The following C5 variants were observed in gnomAD, a reference collection of about 807,000 sequenced individuals.
The protein encoded by C5 is C3 and PZP-like alpha-2-macroglobulin domain-containing protein 4.
Under a neutral mutation model 218.8 loss-of-function variants are expected in C5, and 140 were observed. The observed-to-expected ratio is 0.64, with a 90% CI of 0.56 to 0.74. C5 has a LOEUF of 0.74. Among genes scored for constraint, C5 ranks in the 30% least tolerant of loss-of-function variants. The pLI, the probability that C5 is intolerant of heterozygous loss-of-function variation, is 0.00. For synonymous variants in C5, 614 were observed against 682.3 expected (o/e 0.90, Z 1.56); for missense variants, 1,700 against 1,969.6 (o/e 0.86, Z 2.59).
At position 120,953,832 on chromosome 9, in the gene C5, A is replaced by G. The variant is rs757951662; in HGVS notation, c.4799T>C (p.Phe1600Ser). 5 of 1,614,054 alleles carry G rather than the reference A, an allele frequency of 3.1e-6. No homozygotes were observed. In the Admixed American group the frequency reaches 8.3e-5, roughly 27 times the overall value. The change falls in exon 40 of 41, where the codon TTC becomes TCC. Residue 1600 changes from phenylalanine (F) to serine (S), a missense_variant. Physicochemically the swap from Phe to Ser is radical, Grantham distance 155. Coordinates refer to ENST00000223642, the MANE Select transcript of C5 (RefSeq NM_001735.3). ...GTTAGTACAGGTTACCTTTTTAATG[A>G]AGGTAATCTCAGAGTCTTTCTCAGC... is the stretch of plus-strand genomic sequence containing the variant. ...AVAEKDSEIT[F>S]IKKVTCTNAE...
the C5 span, among the ~76,000 whole-genome samples, chr9:121,062,425 C>T: frequency 6.6e-6 from 1 of 152,118 alleles, no homozygotes; most frequent in Non-Finnish European, 1.5e-5. Flanking sequence ...GGCCCTTCTG[C>T]GTGTGGGGTT....
At chr9:121,072,823 A>G in the C5 span, among the ~76,000 whole-genome samples, 52 of 151,628 alleles carry the variant, frequency 3.4e-4, no homozygotes, top group African/African-American at 1.1e-3. Context: ...AAAAAAAAAA[A>G]AAAAAAAAAG....
intron 20 of C5, among the ~76,000 whole-genome samples, chr9:121,002,231 T>G (rs2047170486): frequency 1.9e-5 from 1 of 53,696 alleles, no homozygotes; most frequent in Non-Finnish European, 4.4e-5. Context: ...TATATATATG[T>G]ATATATGTAT....
chr9:121,037,004 G>T (rs2047531941), intron 4 of C5, among the ~76,000 whole-genome samples: 1 of 151,892 alleles, frequency 6.6e-6, no homozygotes. Flanking sequence ...TCACAAAAGT[G>T]TTTGGGGTAT....
chr9:121,033,244 C>T (rs1025106719), intron 5 of C5, among the ~76,000 whole-genome samples: 1 of 151,980 alleles, frequency 6.6e-6, no homozygotes, highest in Non-Finnish European at 1.5e-5. Flanking sequence ...ACAAGGCCCA[C>T]CTTAAAGAGT....
intron 16 of C5, among the ~76,000 whole-genome samples, chr9:121,014,572 A>G (rs1220840642): frequency 1.3e-5 from 2 of 152,160 alleles, no homozygotes; most frequent in Admixed American, 1.3e-4. Flanking sequence ...AGATTAGTCA[A>G]TGTCTCTCTT....
chr9:121,002,318 A>G (rs10115597), intron 20 of C5, among the ~76,000 whole-genome samples: 6,091 of 60,944 alleles, frequency 0.1, 426 homozygotes, highest in African/African-American at 0.13. Context: ...ATGTGTGTGT[A>G]TATATATATA....
At chr9:121,073,422 C>G in the C5 span, among the ~76,000 whole-genome samples, 1 of 151,472 alleles carries the variant, frequency 6.6e-6, no homozygotes, top group African/African-American at 2.4e-5. Context: ...AATGAAATAT[C>G]TAAGACATAT....
intron 17 of C5, among the ~76,000 whole-genome samples, chr9:121,011,018 T>C (rs2047257627): frequency 6.6e-6 from 1 of 152,304 alleles, no homozygotes; most frequent in African/African-American, 2.4e-5. Context: ...GACCTCTAAC[T>C]ATAAAACTGC....
chr9:121,053,434 T>C (rs1322916397), upstream of C5, among the ~76,000 whole-genome samples: 1 of 152,080 alleles, frequency 6.6e-6, no homozygotes, highest in Admixed American at 6.5e-5. Context: ...GCCAGCAGTT[T>C]AAAGACTGAC....
At chr9:120,989,975 A>G (rs2047064980) in intron 23 of C5, among the ~76,000 whole-genome samples, 195 bp from the exon 24 acceptor site, 1 of 152,074 alleles carries the variant, frequency 6.6e-6, no homozygotes, top group Non-Finnish European at 1.5e-5. Flanking sequence ...AAAAAAAAAG[A>G]CTTTAAAAAT....
At chr9:121,020,617 C>T (rs1385272458) in intron 11 of C5, among the ~76,000 whole-genome samples, 1 of 152,078 alleles carries the variant, frequency 6.6e-6, no homozygotes. Flanking sequence ...GACTATCTGG[C>T]CCAGTTTCAT....
chr9:121,015,144 A>T lies in C5; in HGVS notation c.2059+55T>A, dbSNP rs1340655043. 2.7e-6 allele frequency: 3 copies of T among 1,110,194 alleles called. No individual in the cohort carries two copies. The Admixed American group carries it at 5.3e-5, about 20-fold the overall frequency. The allele number at this position is 1,110,194 out of a possible 1,614,324, so 68.8% of individuals were successfully genotyped here. ...ATTTATATAACATTTAATTTTGTCC[A>T]GTTTTTGAATGATATGACCATAACC... On this transcript the variant is annotated intron_variant, in intron 16 of 40. Transcript: ENST00000223642.
At chr9:121,033,474 A>G (rs923323879) in intron 5 of C5, among the ~76,000 whole-genome samples, 2 of 152,250 alleles carry the variant, frequency 1.3e-5, no homozygotes, top group Non-Finnish European at 2.9e-5. Flanking sequence ...GAGCCAGGTG[A>G]AGCCCATTCC....
chr9:120,998,170 A>C (rs1382918875), intron 20 of C5, among the ~76,000 whole-genome samples: 1 of 152,198 alleles, frequency 6.6e-6, no homozygotes, highest in Non-Finnish European at 1.5e-5. Context: ...CAAACTCTCC[A>C]CTTTAACAAT....
chr9:120,984,813 C>T (rs1227740735), intron 25 of C5, among the ~76,000 whole-genome samples: 1 of 148,840 alleles, frequency 6.7e-6, no homozygotes, highest in Non-Finnish European at 1.5e-5. Context: ...CTTCCACCTC[C>T]CAGGTTCAAG....
chr9:121,050,409 C>A, upstream of C5: 1 of 656,920 alleles, frequency 1.5e-6, no homozygotes. Context: ...CCCTTTCATG[C>A]CCAGGAATAC....
At chr9:120,992,682 G>A (rs141406305) in intron 22 of C5, among the ~76,000 whole-genome samples, 166 of 152,124 alleles carry the variant, frequency 1.1e-3, no homozygotes, top group African/African-American at 4.0e-3. Flanking sequence ...CAGTGATCAC[G>A]GTAAAAGACT....
chr9:121,022,692 C>T (rs1280585628), intron 10 of C5, among the ~76,000 whole-genome samples: 5 of 149,694 alleles, frequency 3.3e-5, no homozygotes, highest in South Asian at 2.1e-4. Flanking sequence ...ATAAACATTT[C>T]CATTTAATCA....
Sources: allele counts gnomAD v4.1 joint callset (sites outside exome capture counted in the v4.1 genomes callset), GRCh38; gene constraint gnomAD v4.1.1; transcripts MANE v1.5; gene names NCBI Gene and HGNC (gene_info 2026-07-23, HGNC 2026-07-21).